Variants in PLOD3 observed in about 807,000 individuals in gnomAD.
The protein encoded by PLOD3 is multifunctional procollagen lysine hydroxylase and glycosyltransferase LH3.
A neutral mutation model predicts 96.9 loss-of-function variants in PLOD3; 73 were observed. The observed-to-expected ratio is 0.75, with a 90% CI of 0.62 to 0.92. PLOD3 has a LOEUF of 0.92. PLOD3 is among the 40% of genes least tolerant of loss of function. PLOD3 has a pLI of 0.00. For synonymous variants in PLOD3, 454 were observed against 413.7 expected (o/e 1.10, Z -1.18); for missense variants, 1,004 against 1,004.3 (o/e 1.00, Z 0.00).
At position 101,206,155 on chromosome 7, in the gene PLOD3, C is replaced by T; in HGVS notation, c.*126G>A. On this transcript the variant is annotated 3_prime_UTR_variant, in exon 19 of 19. Transcript: ENST00000223127. ...TGGGAGCAAGGTGACATATTCAGTT[C>T]AGGCACGCGGAACATGAACTCAGGA... The T allele has an allele frequency of 9.8e-7, 1 of 1,016,110 alleles. No individual in the cohort carries two copies. The highest frequency in any genetic ancestry group is 1.6e-6 in the Non-Finnish European group (1 of 639,294). The allele number at this position is 1,016,110 out of a possible 1,614,324, so 62.9% of individuals were successfully genotyped here.
chr7:101,216,239 G>A lies in PLOD3; in HGVS notation c.426C>T (p.Ser142=). ...SGSRLLFSAE[S]FCWPEWGLAE... ...CCAGCCCCCACTCGGGCCAGCAGAA[G>A]CTCTCTGCAGAGAAGAGCAGGCGGC... The change falls in exon 4 of 19, where the codon AGC becomes AGT. Residue 142 remains serine, a synonymous_variant. Transcript: ENST00000223127. The A allele has an allele frequency of 1.9e-6, 3 of 1,613,784 alleles. No homozygotes were observed. The highest frequency in any genetic ancestry group is 2.5e-6 in the Non-Finnish European group (3 of 1,180,022).
intron 15 of PLOD3, among the ~76,000 whole-genome samples, chr7:101,209,230 AG>A (rs1339796221): frequency 6.7e-6 from 1 of 149,688 alleles, no homozygotes; most frequent in Non-Finnish European, 1.5e-5. Context: ...TTTTTGAGAT[AG>A]GGTATTGCTC....
chr7:101,214,530 C>T (rs967326867), intron 6 of PLOD3, among the ~76,000 whole-genome samples: 4 of 152,008 alleles, frequency 2.6e-5, no homozygotes, highest in African/African-American at 4.8e-5. Context: ...GGGACCTTCC[C>T]TTTGTTAAAT....
Position 101,207,561 on chromosome 7 carries a change from G to A in PLOD3, c.1935+17C>T. Reference sequence around the variant, plus strand: ...GGTGGGGAAGGTGGGGAGGCAGCTGGCAGGTGGGCAGCGCACCTTGGTGTG... The same window carrying A: ...GGTGGGGAAGGTGGGGAGGCAGCTGACAGGTGGGCAGCGCACCTTGGTGTG... On this transcript the variant is annotated intron_variant, in intron 17 of 18. Coordinates refer to ENST00000223127, the MANE Select transcript of PLOD3 (RefSeq NM_001084.5). The A allele has an allele frequency of 6.2e-7, 1 of 1,611,322 alleles. No individual in the cohort carries two copies. Among genetic ancestry groups the A allele is most frequent in the Non-Finnish European group, 8.5e-7 (1 of 1,177,760 alleles).
intron 10 of PLOD3, 56 bp from the exon 11 acceptor site, chr7:101,212,006 G>T: frequency 8.1e-7 from 1 of 1,229,222 alleles, no homozygotes; most frequent in Non-Finnish European, 1.2e-6. Flanking sequence ...TGTGGATGGG[G>T]TAACTGGCCC....
chr7:101,210,170 G>A lies in PLOD3; in HGVS notation c.1615-9C>T, dbSNP rs200971537. 88 of 1,600,528 alleles carry A rather than the reference G, an allele frequency of 5.5e-5. No homozygotes were observed. The highest frequency in any genetic ancestry group is 7.3e-5 in the Non-Finnish European group (86 of 1,172,408). On this transcript the variant is annotated splice_polypyrimidine_tract_variant and intron_variant, in intron 14 of 18. Coordinates refer to ENST00000223127, the MANE Select transcript of PLOD3 (RefSeq NM_001084.5). The stretch of plus-strand genomic sequence containing the variant: ...TACTGCTCCTTCCAGTCCTGTGAGA[G>A]GGTGGGGGGCACATCAGATCTGTGC...
rs1245919321 is a variant in PLOD3, at chr7:101,217,264, G to A, written c.11C>T (p.Ser4Leu). The A allele has an allele frequency of 4.0e-6, 6 of 1,487,068 alleles. No individual in the cohort carries two copies. The highest frequency in any genetic ancestry group is 5.4e-6 in the Non-Finnish European group (6 of 1,119,956). The allele number at this position is 1,487,068 out of a possible 1,614,324, so 92.1% of individuals were successfully genotyped here. Residue 4 changes from serine (S) to leucine (L), a missense_variant, in exon 1 of 19, where the codon TCG (serine) becomes TTG (leucine). Physicochemically the swap from Ser to Leu is moderately radical, Grantham distance 145. Transcript: ENST00000223127. ...CAGCAGGAACCGGGGTCCAGGCCCC[G>A]AGGAGGTCATGGTGGGGAGCGGGCC... MTSSGPGPRFLLLL... is the reference protein window; with the variant it reads MTSLGPGPRFLLLL...
At position 101,210,115 on chromosome 7, in the gene PLOD3, T is replaced by A. The variant is rs1259200689; in HGVS notation, c.1661A>T (p.Glu554Val). 1 of 1,603,942 alleles carries A rather than the reference T, an allele frequency of 6.2e-7. No individual in the cohort carries two copies. The highest frequency in any genetic ancestry group is 8.5e-7 in the Non-Finnish European group (1 of 1,175,480). ...CACCTGCTCCACGATTCCTTCCCCT[T>A]CCAGGGCCCGGCTGTAGTTCTCGTG... ...YIHENYSRAL[E>V]GEGIVEQPCP... is the part of the protein sequence containing the mutation. Residue 554 changes from glutamate (E) to valine (V), a missense_variant, in exon 15 of 19, where the codon GAA (glutamate) becomes GTA (valine). By Grantham distance (121) the Glu-to-Val change is moderately radical (BLOSUM62 -2). Transcript: ENST00000223127.
intron 18 of PLOD3, 21 bp from the exon 19 acceptor site, chr7:101,206,457 A>C: frequency 6.3e-7 from 1 of 1,578,290 alleles, no homozygotes; most frequent in Non-Finnish European, 8.6e-7. Context: ...AAGGGAAAGG[A>C]AACATGGAGT....
At chr7:101,209,373 A>G (rs2116798188) in intron 15 of PLOD3, among the ~76,000 whole-genome samples, 1 of 150,966 alleles carries the variant, frequency 6.6e-6, no homozygotes, top group East Asian at 2.0e-4. Context: ...TGCCAAGCTA[A>G]TTTTTTCTTT....
At chr7:101,209,013 G>A in intron 15 of PLOD3, 56 bp from the exon 16 acceptor site, 4 of 1,268,596 alleles carry the variant, frequency 3.2e-6, no homozygotes, top group Non-Finnish European at 3.5e-6. Context: ...CGGGGAAGGG[G>A]ACAGGCAGCA....
In PLOD3 at chr7:101,212,245, C is replaced by A; in HGVS notation, c.1127+8G>T. 3.1e-6 allele frequency: 5 copies of A among 1,612,106 alleles called. No homozygotes were observed. Among genetic ancestry groups the A allele is most frequent in the Non-Finnish European group, 4.2e-6 (5 of 1,179,918 alleles). On this transcript the variant is annotated splice_region_variant and intron_variant, in intron 10 of 18. Transcript: ENST00000223127. ...CCCACCCTCTCCTCCCCGCAAGCAC[C>A]CGCTCACATGGCCATGTCCCTGGCC...
chr7:101,212,107 C>A, intron 10 of PLOD3, 146 bp downstream of exon 10: 1 of 1,171,634 alleles, frequency 8.5e-7, no homozygotes, highest in Non-Finnish European at 1.2e-6. Flanking sequence ...GCAGGAGTGA[C>A]AGCATGGGGG....
chr7:101,207,497 C>G, intron 17 of PLOD3, 81 bp downstream of exon 17: 8 of 1,456,216 alleles, frequency 5.5e-6, no homozygotes, highest in Non-Finnish European at 7.6e-6. Flanking sequence ...CTGCCGGGGC[C>G]GAAAGGGGTC....
At chr7:101,212,106 A>T in intron 10 of PLOD3, 147 bp downstream of exon 10, 1 of 1,164,390 alleles carries the variant, frequency 8.6e-7, no homozygotes, top group Non-Finnish European at 1.3e-6. Context: ...GGCAGGAGTG[A>T]CAGCATGGGG....
chr7:101,216,070 C>T, intron 4 of PLOD3, 50 bp from the exon 5 acceptor site: 1 of 1,605,930 alleles, frequency 6.2e-7, no homozygotes, highest in Non-Finnish European at 8.5e-7. Flanking sequence ...GTCCCAGGGC[C>T]TGTCCCCCAG....
chr7:101,208,968 G>A lies in PLOD3; in HGVS notation c.1684-11C>T. ...CACGTCCGGGCATGGCTGAGGATGG[G>A]GCGAGGGAGAACAGGGCTAGCTGAC... On this transcript the variant is annotated splice_polypyrimidine_tract_variant and intron_variant, in intron 15 of 18. Transcript: ENST00000223127. 1 of 1,593,752 alleles carries A rather than the reference G, an allele frequency of 6.3e-7. No homozygotes were observed. Among genetic ancestry groups the A allele is most frequent in the South Asian group, 1.1e-5 (1 of 90,684 alleles).
rs769725669 is a variant in PLOD3, at chr7:101,206,757, G to A, written c.2061+22C>T. Reference sequence around the variant, plus strand: ...GAGGGTCCTGAGGTGAAGCGTGGGTGGGTAGTGTGACTGGGGCGCACCTCA... The same window carrying A: ...GAGGGTCCTGAGGTGAAGCGTGGGTAGGTAGTGTGACTGGGGCGCACCTCA... On this transcript the variant is annotated intron_variant, in intron 18 of 18. Coordinates refer to ENST00000223127, the MANE Select transcript of PLOD3 (RefSeq NM_001084.5). 6 of 1,575,718 alleles carry A rather than the reference G, an allele frequency of 3.8e-6. No homozygotes were observed. The South Asian group carries it at 5.8e-5, about 15-fold the overall frequency.
At chr7:101,213,275 T>C (rs181810618) in intron 6 of PLOD3, 71 bp from the exon 7 acceptor site, 2 of 992,978 alleles carry the variant, frequency 2.0e-6, no homozygotes, top group Non-Finnish European at 3.2e-6. Context: ...TTCTTCTAAA[T>C]ATGGGGTCCC....
Sources: gnomAD v4.1 joint callset for allele counts (sites outside exome capture counted in the v4.1 genomes callset) on GRCh38, gnomAD v4.1.1 for gene constraint, MANE v1.5 for transcripts, NCBI Gene and HGNC (gene_info 2026-07-23, HGNC 2026-07-21) for gene names.